Variants in PICALM observed in about 807,000 individuals in gnomAD.
PICALM encodes the protein phosphatidylinositol binding clathrin assembly protein.
PICALM carries 40 observed loss-of-function variants against 80.5 expected under a neutral mutation model. The ratio of observed to expected loss-of-function variants is 0.50; its 90% CI spans 0.39 to 0.65. The LOEUF (loss-of-function observed/expected upper bound fraction) is 0.65, where lower values mean the gene tolerates loss of function less well. PICALM is among the 30% of genes least tolerant of loss of function. PICALM has a pLI of 0.00. For missense variants in PICALM, 676 were observed against 778.9 expected, an observed-to-expected ratio of 0.87 and a Z score of 1.57; for synonymous variants, 288 against 260.3, an observed-to-expected ratio of 1.11 and a Z score of -1.02.
At chr11:86,067,535 T>C (rs1192067903) in intron 1 of PICALM, among the ~76,000 whole-genome samples, 20 of 152,222 alleles carry the variant, frequency 1.3e-4, no homozygotes. Context: ...TAATTGTATC[T>C]ACGTTAGCGA....
intron 8 of PICALM, among the ~76,000 whole-genome samples, chr11:86,006,246 A>C (rs1293852188): frequency 6.6e-6 from 1 of 152,230 alleles, no homozygotes; most frequent in African/African-American, 2.4e-5. Flanking sequence ...ACTTACATAT[A>C]ACCCATGACT....
At chr11:86,038,937 C>A (rs1483018802) in intron 1 of PICALM, among the ~76,000 whole-genome samples, 2 of 151,928 alleles carry the variant, frequency 1.3e-5, no homozygotes, top group African/African-American at 4.8e-5. Context: ...TGGTGAAACC[C>A]CAGCTCTATT....
upstream of PICALM, chr11:86,069,284 C>G: frequency 5.9e-6 from 1 of 170,868 alleles, no homozygotes; most frequent in South Asian, 1.8e-4. Flanking sequence ...AGGAGGCCCG[C>G]CCGAGGGGAG....
chr11:86,059,909 C>A (rs1467328298), intron 1 of PICALM, among the ~76,000 whole-genome samples: 3 of 151,664 alleles, frequency 2.0e-5, no homozygotes, highest in African/African-American at 7.3e-5. Context: ...TCAAGAGTTC[C>A]AATTAATAAC....
intron 6 of PICALM, among the ~76,000 whole-genome samples, chr11:86,011,364 T>G (rs2095391011): frequency 1.3e-5 from 2 of 152,220 alleles, no homozygotes; most frequent in Non-Finnish European, 2.9e-5. Flanking sequence ...TCCTAGTTTG[T>G]GCCATAGTAC....
At chr11:85,965,671 GGT>G (rs2093851869) in intron 19 of PICALM, among the ~76,000 whole-genome samples, 1 of 152,092 alleles carries the variant, frequency 6.6e-6, no homozygotes, top group Non-Finnish European at 1.5e-5. Context: ...CTGTCCTTTG[GGT>G]TAAGTCTAGT....
At chr11:86,065,840 T>C (rs1372372965) in intron 1 of PICALM, among the ~76,000 whole-genome samples, 1 of 152,214 alleles carries the variant, frequency 6.6e-6, no homozygotes, top group African/African-American at 2.4e-5. Context: ...CCATAATTCA[T>C]GAATTATTAA....
intron 19 of PICALM, among the ~76,000 whole-genome samples, chr11:85,961,511 A>G (rs2093687588): frequency 6.6e-6 from 1 of 152,250 alleles, no homozygotes; most frequent in African/African-American, 2.4e-5. Flanking sequence ...AAGGCAAGTA[A>G]ACAACTGAAT....
chr11:86,068,638 C>G lies in PICALM; in HGVS notation c.130+13G>C. 1 of 1,596,612 alleles carries G rather than the reference C, an allele frequency of 6.3e-7. No individual in the cohort carries two copies. Among genetic ancestry groups the G allele is most frequent in the Non-Finnish European group, 8.5e-7 (1 of 1,173,652 alleles). Reference sequence around the variant, plus strand: ...GGCGCCGGGGAGCGGGGGCCGCGGTCGGCTTCACTCACAGTCCAGGTGCTT... The same window carrying G: ...GGCGCCGGGGAGCGGGGGCCGCGGTGGGCTTCACTCACAGTCCAGGTGCTT... On this transcript the variant is annotated intron_variant, in intron 1 of 19. Coordinates refer to ENST00000393346, the MANE Select transcript of PICALM (RefSeq NM_007166.4).
rs770274147 is a variant in PICALM, at chr11:86,022,480, A to T, written c.350-11T>A. 1.5e-6 allele frequency: 2 copies of T among 1,300,988 alleles called. No homozygotes were observed. The allele number at this position is 1,300,988 out of a possible 1,614,324, so 80.6% of individuals were successfully genotyped here. A position where few individuals can be genotyped will look rare whatever the true frequency, so the allele number is the denominator to read the frequency against. On this transcript the variant is annotated splice_polypyrimidine_tract_variant and intron_variant, in intron 3 of 19. Coordinates refer to ENST00000393346, the MANE Select transcript of PICALM (RefSeq NM_007166.4). ...TAGACATGTCATATCCTGTAAAAAA[A>T]CAAAAACAAAAACAAAACAAAGAGA...
chr11:85,975,914 G>A (rs1394564150), intron 18 of PICALM, among the ~76,000 whole-genome samples: 1 of 151,978 alleles, frequency 6.6e-6, no homozygotes, highest in Non-Finnish European at 1.5e-5. Flanking sequence ...ACATTTTAAT[G>A]CAATGACTAT....
chr11:86,004,512 CG>C lies in PICALM; in HGVS notation c.808-1062del, dbSNP rs570608798. ...CAAACTGCATTGAAATGAATACTTA[CG>C]TTTTTTTTTTTAATGGAAGACTAAT... On this transcript the variant is annotated intron_variant, in intron 8 of 19. Coordinates refer to ENST00000393346, the MANE Select transcript of PICALM (RefSeq NM_007166.4). 7.3e-4 allele frequency among the ~76,000 whole-genome samples: 110 copies of C among 150,896 alleles called. No individual in the cohort carries two copies. The East Asian group carries it at 8.2e-3, about 11-fold the overall frequency.
chr11:86,023,341 G>A, intron 3 of PICALM: 1 of 347,704 alleles, frequency 2.9e-6, no homozygotes, highest in African/African-American at 2.2e-5. Context: ...TTTATTGAGT[G>A]CCTATTAAGT....
intron 1 of PICALM, among the ~76,000 whole-genome samples, chr11:86,058,763 C>G (rs1040392466): frequency 7.9e-5 from 12 of 152,144 alleles, no homozygotes; most frequent in Non-Finnish European, 1.6e-4. Flanking sequence ...AAAAATGAGT[C>G]TACTGTACAG....
chr11:86,021,908 T>C (rs1298513089), intron 4 of PICALM, among the ~76,000 whole-genome samples: 1 of 152,208 alleles, frequency 6.6e-6, no homozygotes, highest in Non-Finnish European at 1.5e-5. Context: ...GGACATATCA[T>C]GCTACACAAA....
chr11:86,065,084 A>C (rs2096425448), intron 1 of PICALM, among the ~76,000 whole-genome samples: 1 of 152,146 alleles, frequency 6.6e-6, no homozygotes. Flanking sequence ...ATCCAAAAAA[A>C]GGGGTGGGGT....
chr11:86,060,769 TAC>T (rs2096348259), intron 1 of PICALM, among the ~76,000 whole-genome samples: 1 of 151,294 alleles, frequency 6.6e-6, no homozygotes, highest in East Asian at 1.9e-4. Context: ...AGACAGACAT[TAC>T]ACTCACAAAA....
intron 1 of PICALM, among the ~76,000 whole-genome samples, chr11:86,051,617 C>T (rs752679155): frequency 1.3e-5 from 2 of 152,002 alleles, no homozygotes; most frequent in Non-Finnish European, 1.5e-5. Context: ...GCTGACATCG[C>T]GACACTGCAC....
At chr11:85,968,623 T>C (rs1157827739) in intron 19 of PICALM, among the ~76,000 whole-genome samples, 1 of 152,194 alleles carries the variant, frequency 6.6e-6, no homozygotes, top group Non-Finnish European at 1.5e-5. Context: ...AACTAAAGAA[T>C]TAGTTTATGA....
Sources: gnomAD v4.1 joint callset for allele counts (sites outside exome capture counted in the v4.1 genomes callset) on GRCh38, gnomAD v4.1.1 for gene constraint, MANE v1.5 for transcripts, NCBI Gene and HGNC (gene_info 2026-07-23, HGNC 2026-07-21) for gene names.